TYW1: variants seen among roughly 807,000 people sequenced by gnomAD.
TYW1 encodes the protein S-adenosyl-L-methionine-dependent tRNA 4-demethylwyosine synthase TYW1.
A neutral mutation model predicts 96.2 loss-of-function variants in TYW1; 46 were observed. That is an observed-to-expected ratio of 0.48 (90% CI 0.38 to 0.61). The LOEUF is 0.61. Ranked by LOEUF, TYW1 falls within the 20% of genes least tolerant of loss-of-function variation. The probability of loss-of-function intolerance (pLI) is 0.00; values close to 1 mark genes in which losing one functional copy is unlikely to be tolerated. For missense variants in TYW1, 684 were observed against 909.6 expected (o/e 0.75, Z 3.19); for synonymous variants, 274 against 323.0 (o/e 0.85, Z 1.63).
intron 14 of TYW1, among the ~76,000 whole-genome samples, chr7:67,190,879 T>C (rs1383749120): frequency 6.6e-6 from 1 of 152,166 alleles, no homozygotes; most frequent in African/African-American, 2.4e-5. Context: ...AATTAGAATA[T>C]CAAATAGTCA....
intron 6 of TYW1, among the ~76,000 whole-genome samples, chr7:67,021,002 T>C (rs1303072827): frequency 6.6e-6 from 1 of 152,294 alleles, no homozygotes; most frequent in Admixed American, 6.5e-5. Context: ...CACTCCAGCC[T>C]GGGTGACAGA....
chr7:67,132,646 C>T (rs1262048012), intron 13 of TYW1, among the ~76,000 whole-genome samples: 2 of 149,080 alleles, frequency 1.3e-5, no homozygotes, highest in Admixed American at 6.7e-5. Flanking sequence ...CACCATCCAT[C>T]TCCAGAGCTG....
At chr7:67,003,377 C>T (rs1793468393) in intron 3 of TYW1, among the ~76,000 whole-genome samples, 1 of 151,756 alleles carries the variant, frequency 6.6e-6, no homozygotes, top group South Asian at 2.1e-4. Flanking sequence ...CCAATCACTT[C>T]TTACCACCTT....
intron 3 of TYW1, among the ~76,000 whole-genome samples, chr7:67,000,818 G>A (rs1283372290): frequency 6.6e-6 from 1 of 152,146 alleles, no homozygotes; most frequent in Admixed American, 6.6e-5. Context: ...AAAAATCAAG[G>A]TCTGTTACTT....
intron 12 of TYW1, among the ~76,000 whole-genome samples, chr7:67,108,711 G>C (rs1390603583): frequency 6.6e-6 from 1 of 151,790 alleles, no homozygotes; most frequent in African/African-American, 2.4e-5. Flanking sequence ...CAAAGTGCTG[G>C]GATTACAGAC....
intron 9 of TYW1, among the ~76,000 whole-genome samples, chr7:67,061,995 G>A: frequency 6.6e-6 from 1 of 152,150 alleles, no homozygotes; most frequent in East Asian, 1.9e-4. Context: ...ATGGAGCAGT[G>A]CCGTTGTACT....
chr7:66,997,948 A>G (rs745622308), intron 1 of TYW1, 117 bp from the exon 2 acceptor site: 26 of 1,336,712 alleles, frequency 1.9e-5, no homozygotes, highest in Admixed American at 2.7e-5. Context: ...TTTTTAAATT[A>G]GATTTCTTAG....
Position 67,025,248 on chromosome 7 carries a change from A to G in TYW1, c.984+226A>G, listed in dbSNP as rs1794410239. ...TCAGAGGATAAGCAGGAGATTTGAG[A>G]ACAAGGACTGAGGACATTGTAGATT... On this transcript the variant is annotated intron_variant, in intron 7 of 15. Coordinates refer to ENST00000359626, the MANE Select transcript of TYW1 (RefSeq NM_018264.4). Among the ~76,000 whole-genome samples the G allele has an allele frequency of 2.0e-5, 3 of 152,066 alleles. No individual in the cohort carries two copies. In the East Asian group the frequency reaches 5.8e-4, roughly 29 times the overall value.
chr7:67,171,901 T>C (rs1584651073), intron 13 of TYW1, among the ~76,000 whole-genome samples: 1 of 152,158 alleles, frequency 6.6e-6, no homozygotes, highest in African/African-American at 2.4e-5. Flanking sequence ...TTTTGTGTCA[T>C]GCAGTCAGTA....
intron 8 of TYW1, among the ~76,000 whole-genome samples, chr7:67,051,624 G>A (rs1348104643): frequency 6.6e-6 from 1 of 151,502 alleles, no homozygotes; most frequent in Admixed American, 6.6e-5. Context: ...ATTTACTTAT[G>A]TAGTTACTAT....
chr7:67,045,527 T>C (rs1795163061), intron 7 of TYW1, among the ~76,000 whole-genome samples: 1 of 152,210 alleles, frequency 6.6e-6, no homozygotes, highest in South Asian at 2.1e-4. Context: ...CAGTATCGTA[T>C]GATATTTAAA....
At chr7:67,060,042 G>A (rs1795647401) in intron 9 of TYW1, among the ~76,000 whole-genome samples, 1 of 147,126 alleles carries the variant, frequency 6.8e-6, no homozygotes, top group African/African-American at 2.5e-5. Context: ...CAAAGTTCTG[G>A]GATTACAGGT....
At chr7:67,015,492 T>C (rs570593446) in intron 5 of TYW1, among the ~76,000 whole-genome samples, 2 of 152,246 alleles carry the variant, frequency 1.3e-5, no homozygotes, top group Admixed American at 6.5e-5. Context: ...GCTGGAACTA[T>C]AGGCGTGCAC....
At chr7:67,001,110 C>G (rs906002599) in intron 3 of TYW1, among the ~76,000 whole-genome samples, 1 of 152,048 alleles carries the variant, frequency 6.6e-6, no homozygotes, top group Non-Finnish European at 1.5e-5. Context: ...TCAAAAAGAT[C>G]AAACGAATAC....
rs1801959452 is a variant in TYW1, at chr7:67,238,330, G to A, written c.2000G>A (p.Trp667Ter). 3.1e-6 allele frequency: 5 copies of A among 1,610,680 alleles called. No individual in the cohort carries two copies. The highest frequency in any genetic ancestry group is 1.6e-4 in the Middle Eastern group (1 of 6,068). Residue 667 changes from tryptophan (W) to a stop codon, truncating the protein, a stop_gained, in exon 16 of 16, where the codon TGG (tryptophan) becomes TAG (stop). Coordinates refer to ENST00000359626, the MANE Select transcript of TYW1 (RefSeq NM_018264.4). LOFTEE classifies it high-confidence loss of function. ...HRKFKIGGEW[W>*]TWIDYNRFQE... ...CAGTTTAAAATTGGTGGTGAATGGT[G>A]GACATGGATCGATTATAACCGCTTC... is the stretch of plus-strand genomic sequence containing the variant.
Position 67,239,463 on chromosome 7 carries a change from T to G in TYW1, c.*934T>G. ...ATTGTTTTCAAGTTAGCAAGTTCTT[T>G]TAACAGTCTTTTATGCAAAAATTGA... On this transcript the variant is annotated 3_prime_UTR_variant, in exon 16 of 16. Coordinates refer to ENST00000359626, the MANE Select transcript of TYW1 (RefSeq NM_018264.4). 1.1e-6 allele frequency: 1 copy of G among 926,664 alleles called. No individual in the cohort carries two copies. The highest frequency in any genetic ancestry group is 1.3e-6 in the Non-Finnish European group (1 of 776,548). The allele number at this position is 926,664 out of a possible 1,614,324, so 57.4% of individuals were successfully genotyped here.
In TYW1 at chr7:67,099,347, T is replaced by C. The variant is rs766422913; in HGVS notation, c.1562+629T>C. The stretch of plus-strand genomic sequence containing the variant: ...GCGCCTGGCCTAATTTTTATCTTTA[T>C]GTCTGGGATTGGTACTTGAGAAGGT... On this transcript the variant is annotated intron_variant, in intron 12 of 15. Coordinates refer to ENST00000359626, the MANE Select transcript of TYW1 (RefSeq NM_018264.4). 5.9e-5 allele frequency among the ~76,000 whole-genome samples: 9 copies of C among 152,348 alleles called. No individual in the cohort carries two copies. In the South Asian group the frequency reaches 1.9e-3, roughly 32 times the overall value.
At position 67,239,105 on chromosome 7, in the gene TYW1, C is replaced by A; in HGVS notation, c.*576C>A. 8 of 986,434 alleles carry A rather than the reference C, an allele frequency of 8.1e-6. No homozygotes were observed. Among genetic ancestry groups the A allele is most frequent in the Non-Finnish European group, 9.6e-6 (8 of 830,568 alleles). 61.1% of individuals were successfully genotyped at this position (986,434 alleles called of 1,614,324 possible). ...ATTGAGTTTTGGTTTATTACCAACCCTTCCCAGAATTGCGTTGGATCTAAA... is the reference window on the plus strand; with the variant it reads ...ATTGAGTTTTGGTTTATTACCAACCATTCCCAGAATTGCGTTGGATCTAAA... On this transcript the variant is annotated 3_prime_UTR_variant, in exon 16 of 16. Coordinates refer to ENST00000359626, the MANE Select transcript of TYW1 (RefSeq NM_018264.4).
At chr7:67,028,878 A>G (rs1282594092) in intron 7 of TYW1, among the ~76,000 whole-genome samples, 1 of 152,250 alleles carries the variant, frequency 6.6e-6, no homozygotes, top group African/African-American at 2.4e-5. Context: ...TACTGGTTGA[A>G]AAAAGCATGG....
Sources: gnomAD v4.1 joint callset for allele counts (sites outside exome capture counted in the v4.1 genomes callset) on GRCh38, gnomAD v4.1.1 for gene constraint, MANE v1.5 for transcripts, NCBI Gene and HGNC (gene_info 2026-07-23, HGNC 2026-07-21) for gene names.